ADRM1: variants seen among roughly 807,000 people sequenced by gnomAD.
ADRM1 encodes the protein ADRM1 26S proteasome ubiquitin receptor.
Under a neutral mutation model 40.1 loss-of-function variants are expected in ADRM1, and 2 were observed. That is an observed-to-expected ratio of 0.05 (90% CI 0.02 to 0.16). ADRM1 has a LOEUF of 0.16. ADRM1 is among the 10% of genes least tolerant of loss of function. The pLI is 1.00. For missense variants in ADRM1, 467 were observed against 552.5 expected (o/e 0.85, Z 1.55); for synonymous variants, 287 against 240.4 (o/e 1.19, Z -1.79).
intron 8 of ADRM1, 28 bp downstream of exon 8, chr20:62,308,206 A>G: frequency 1.3e-6 from 2 of 1,586,956 alleles, no homozygotes; most frequent in East Asian, 2.3e-5. Flanking sequence ...GGTGTCCTCC[A>G]CTGTGTGCTC....
intron 7 of ADRM1, 73 bp from the exon 8 acceptor site, chr20:62,307,948 G>A: frequency 6.4e-7 from 1 of 1,563,862 alleles, no homozygotes; most frequent in South Asian, 1.2e-5. Flanking sequence ...CATGGGCTGA[G>A]TCCCTGCTTG....
intron 3 of ADRM1, 67 bp from the exon 4 acceptor site, chr20:62,306,130 G>C: frequency 6.4e-7 from 1 of 1,567,460 alleles, no homozygotes; most frequent in Non-Finnish European, 8.7e-7. Context: ...CCAGGTCAGA[G>C]GATGGCTGTG....
chr20:62,306,058 TC>T, intron 3 of ADRM1, 138 bp from the exon 4 acceptor site: 1 of 1,192,246 alleles, frequency 8.4e-7, no homozygotes, highest in Admixed American at 2.7e-5. Context: ...CCGGGTCCTG[TC>T]TCCTCAGCAT....
In ADRM1 at chr20:62,306,256, C is replaced by T; in HGVS notation, c.390C>T (p.Asn130=). 6.2e-7 allele frequency: 1 copy of T among 1,613,066 alleles called. No homozygotes were observed. The highest frequency in any genetic ancestry group is 8.5e-7 in the Non-Finnish European group (1 of 1,179,854). The change falls in exon 4 of 10, where the codon AAC becomes AAT. Residue 130 remains asparagine, a synonymous_variant. Transcript: ENST00000253003. ...GGAAAGTCAACGAGTATCTGAACAA[C>T]CCCCCGATGCCTGGGGCGCTGGGGG... ...HCRKVNEYLN[N]PPMPGALGAS... is the part of the protein sequence containing the mutation.
rs748681546 is a variant in ADRM1 at position 62,307,361 on chromosome 20, C to T, written c.542-10C>T. The T allele has an allele frequency of 2.5e-6, 4 of 1,598,674 alleles. No individual in the cohort carries two copies. In the East Asian group the frequency reaches 6.7e-5, roughly 27 times the overall value. On this transcript the variant is annotated splice_polypyrimidine_tract_variant and intron_variant, in intron 5 of 9. Transcript: ENST00000253003. ...GGCATCCTGAGCTCGCATTTCCTTG[C>T]CCCTCGCAGGTGGGCTGGGGGCCCT... is the stretch of plus-strand genomic sequence containing the variant.
In ADRM1 at chr20:62,308,828, T is replaced by TG; in HGVS notation, c.*68dup. On this transcript the variant is annotated 3_prime_UTR_variant, in exon 10 of 10. Transcript: ENST00000253003. ...TTGCACACCCTCACCTCCCACCCAC[T>TG]GATTATTAATAAAGTCTTTTCTTTT... 5 of 1,566,060 alleles carry TG rather than the reference T, an allele frequency of 3.2e-6. No individual in the cohort carries two copies. Among genetic ancestry groups the TG allele is most frequent in the Non-Finnish European group, 4.3e-6 (5 of 1,159,248 alleles).
intron 2 of ADRM1, chr20:62,304,113 C>G: frequency 2.1e-6 from 1 of 487,276 alleles, no homozygotes; most frequent in Non-Finnish European, 3.7e-6. Context: ...GGCGGCTTCA[C>G]TCAGTCTTCT....
In ADRM1 at chr20:62,308,442, A is replaced by G. The variant is rs1275696467; in HGVS notation, c.1089A>G (p.Ala363=). The G allele has an allele frequency of 1.9e-6, 3 of 1,609,090 alleles. No individual in the cohort carries two copies. Among genetic ancestry groups the G allele is most frequent in the Non-Finnish European group, 2.5e-6 (3 of 1,178,864 alleles). ...GPLMCQFGLP[A]EAVEAANKGD... ...TCATGTGCCAGTTCGGTCTGCCTGC[A>G]GAGGCTGTGGAGGCCGCCAACAAGG... Residue 363 remains alanine (A), a synonymous_variant, in exon 9 of 10, where the codon GCA becomes GCG. Transcript: ENST00000253003.
chr20:62,308,511 C>T, intron 9 of ADRM1, 41 bp downstream of exon 9: 4 of 1,571,112 alleles, frequency 2.5e-6, no homozygotes, highest in Middle Eastern at 1.7e-4. Flanking sequence ...GAGCCAGGGG[C>T]AGGGTCCATT....
rs1298027871 is a variant in ADRM1, at chr20:62,308,487, G to A, written c.1117+17G>A. The A allele has an allele frequency of 6.3e-7, 1 of 1,585,246 alleles. No homozygotes were observed. The highest frequency in any genetic ancestry group is 1.3e-5 in the African/African-American group (1 of 74,820). On this transcript the variant is annotated intron_variant, in intron 9 of 9. Coordinates refer to ENST00000253003, the MANE Select transcript of ADRM1 (RefSeq NM_007002.4). ...ACAAGGGCGGTAAGTGGCTGCGCCT[G>A]CACCTCCAGGCCAGAGCCAGGGGCA... is the stretch of plus-strand genomic sequence containing the variant.
At chr20:62,308,334 T>A in intron 8 of ADRM1, 34 bp from the exon 9 acceptor site, 2 of 1,569,774 alleles carry the variant, frequency 1.3e-6, no homozygotes, top group Non-Finnish European at 1.7e-6. Flanking sequence ...GCAGCCCGGG[T>A]TGGAGCTCAG....
rs767441878 is a variant in ADRM1 at position 62,307,420 on chromosome 20, C to T, written c.591C>T (p.Ser197=). 2.3e-5 allele frequency: 37 copies of T among 1,607,384 alleles called. No individual in the cohort carries two copies. Among genetic ancestry groups the T allele is most frequent in the Non-Finnish European group, 3.1e-5 (36 of 1,178,716 alleles). Residue 197 remains serine, a synonymous_variant, in exon 6 of 10, where the codon AGC becomes AGT. Coordinates refer to ENST00000253003, the MANE Select transcript of ADRM1 (RefSeq NM_007002.4). The part of the protein sequence containing the change: ...TGPGLASLLG[S]SGPPGSSSSS... ...CTGGCCTGGCCAGCTTACTGGGGAG[C>T]AGTGGGCCTCCAGGGAGCAGCTCCT... is the stretch of plus-strand genomic sequence containing the variant.
Position 62,308,444 on chromosome 20 carries a change from A to G in ADRM1, c.1091A>G (p.Glu364Gly). 6.2e-7 allele frequency: 1 copy of G among 1,608,320 alleles called. No homozygotes were observed. Reference protein sequence around the residue: ...PLMCQFGLPAEAVEAANKGDV... With the variant: ...PLMCQFGLPAGAVEAANKGDV... ...ATGTGCCAGTTCGGTCTGCCTGCAG[A>G]GGCTGTGGAGGCCGCCAACAAGGGC... The change falls in exon 9 of 10, where the codon GAG (glutamate) becomes GGG (glycine). Residue 364 changes from glutamate to glycine, a missense_variant. Glu to Gly is a moderately conservative substitution (Grantham distance 98). Coordinates refer to ENST00000253003, the MANE Select transcript of ADRM1 (RefSeq NM_007002.4).
Position 62,308,755 on chromosome 20 carries a change from G to C in ADRM1, c.1218G>C (p.Leu406=), listed in dbSNP as rs1176651626. 10 of 1,612,782 alleles carry C rather than the reference G, an allele frequency of 6.2e-6. No individual in the cohort carries two copies. Among genetic ancestry groups the C allele is most frequent in the Non-Finnish European group, 7.6e-6 (9 of 1,179,922 alleles). Residue 406 remains leucine (L), a synonymous_variant, in exon 10 of 10, where the codon CTG becomes CTC. Transcript: ENST00000253003. ...DKKDEEEDMS[L]D ...AGGACGAAGAGGAGGACATGAGCCT[G>C]GACTGAGCCACGCGCCGTCCTCCGA... is the stretch of plus-strand genomic sequence containing the variant.
chr20:62,304,038 G>A (rs1309671228), intron 2 of ADRM1: 2 of 547,472 alleles, frequency 3.7e-6, no homozygotes, highest in African/African-American at 3.8e-5. Context: ...GCCTGGCCTT[G>A]AACTGTCCGT....
chr20:62,304,677 C>A, intron 3 of ADRM1, 100 bp downstream of exon 3: 1 of 1,204,102 alleles, frequency 8.3e-7, no homozygotes, highest in Non-Finnish European at 1.2e-6. Context: ...AACCAGCAGG[C>A]GCCGGCCACA....
rs1985212070 is a variant in ADRM1, at chr20:62,307,465, G to A, written c.623+13G>A. The A allele has an allele frequency of 3.1e-6, 5 of 1,607,384 alleles. No individual in the cohort carries two copies. Among genetic ancestry groups the A allele is most frequent in the East Asian group, 2.2e-5 (1 of 44,856 alleles). ...GCTCCTCCTCCAGGTGAGCCTCATC[G>A]CTCCTGCCACGCAGGTGCCACGGTG... On this transcript the variant is annotated intron_variant, in intron 6 of 9. Coordinates refer to ENST00000253003, the MANE Select transcript of ADRM1 (RefSeq NM_007002.4).
intron 4 of ADRM1, 141 bp from the exon 5 acceptor site, chr20:62,306,507 C>T: frequency 2.4e-6 from 3 of 1,273,820 alleles, no homozygotes; most frequent in Non-Finnish European, 2.2e-6. Flanking sequence ...GTCTGCATCC[C>T]ACCGTCGCCT....
intron 2 of ADRM1, 196 bp from the exon 3 acceptor site, chr20:62,304,265 C>G (rs1281092594): frequency 8.6e-6 from 5 of 579,630 alleles, no homozygotes; most frequent in African/African-American, 5.6e-5. Flanking sequence ...TGCTCTCTCC[C>G]CCGGCCTTGC....
Sources: allele counts gnomAD v4.1 joint callset, GRCh38; gene constraint gnomAD v4.1.1; transcripts MANE v1.5; gene names NCBI Gene and HGNC (gene_info 2026-07-23, HGNC 2026-07-21).